KSR2: variants seen among roughly 807,000 people sequenced by gnomAD.
KSR2 encodes the protein kinase suppressor of ras 2.
Under a neutral mutation model 107.8 loss-of-function variants are expected in KSR2, and 25 were observed. That is an observed-to-expected ratio of 0.23 (90% CI 0.17 to 0.32). The LOEUF is 0.32. KSR2 is among the 10% of genes least tolerant of loss of function. KSR2 has a pLI of 1.00. For synonymous variants in KSR2, 480 were observed against 507.0 expected (o/e 0.95, Z 0.71); for missense variants, 887 against 1,268.9 (o/e 0.70, Z 4.57).
intron 1 of KSR2, among the ~76,000 whole-genome samples, chr12:117,920,879 C>T (rs1302054782): frequency 6.6e-6 from 1 of 152,130 alleles, no homozygotes; most frequent in Admixed American, 6.6e-5. Context: ...GGCCAACAGA[C>T]GGCTAACTCC....
chr12:117,558,381 AC>A, intron 8 of KSR2, 124 bp downstream of exon 8: 1 of 684,980 alleles, frequency 1.5e-6, no homozygotes, highest in South Asian at 1.7e-5. Flanking sequence ...AGAGAAAGAA[AC>A]AATGCTGGAA....
rs192113966 is a variant in KSR2, at chr12:117,518,518, C to T, written c.2219+6334G>A. On this transcript the variant is annotated intron_variant, in intron 14 of 19. Transcript: ENST00000339824. ...CCTTTGGCGCTGGGTTTCCTTGATG[C>T]CATCACTATTCTAACCCATATGCAT... Among the ~76,000 whole-genome samples the T allele has an allele frequency of 3.9e-3, 600 of 152,306 alleles. 9 individuals carry two copies. Among genetic ancestry groups the T allele is most frequent in the African/African-American group, 0.014 (566 of 41,550 alleles).
chr12:117,887,669 G>C (rs1053781214), intron 1 of KSR2, among the ~76,000 whole-genome samples: 17 of 152,194 alleles, frequency 1.1e-4, no homozygotes, highest in African/African-American at 4.1e-4. Context: ...GTGGCTGCCA[G>C]GGTTGCTTCA....
intron 1 of KSR2, among the ~76,000 whole-genome samples, chr12:117,862,503 A>AAAAAT (rs1156634320): frequency 3.3e-5 from 5 of 151,918 alleles, no homozygotes; most frequent in Non-Finnish European, 7.4e-5. Flanking sequence ...CTGTCTCTAC[A>AAAAAT]AAAATAAAAT....
intron 5 of KSR2, among the ~76,000 whole-genome samples, chr12:117,609,610 C>T (rs946012409): frequency 5.3e-5 from 8 of 152,212 alleles, no homozygotes; most frequent in Non-Finnish European, 7.3e-5. Flanking sequence ...AACACAGTTG[C>T]ACCTGCTCAC....
At chr12:117,468,842 G>A (rs1476273246) in intron 19 of KSR2, among the ~76,000 whole-genome samples, 1 of 152,212 alleles carries the variant, frequency 6.6e-6, no homozygotes, top group African/African-American at 2.4e-5. Flanking sequence ...TGTGAGTATA[G>A]ATCTGAGTGC....
Position 117,615,956 on chromosome 12 carries a change from C to T in KSR2, c.1172-33597G>A, listed in dbSNP as rs371694358. ...TCACTTGAGCCCAGAAGTTCGAGAC[C>T]ACCCTGGGCAATATGGTGAAACCCC... is the stretch of plus-strand genomic sequence containing the variant. On this transcript the variant is annotated intron_variant, in intron 5 of 19. Coordinates refer to ENST00000339824, the MANE Select transcript of KSR2 (RefSeq NM_173598.6). 2.6e-5 allele frequency among the ~76,000 whole-genome samples: 4 copies of T among 152,094 alleles called. 1 individual carries two copies. Among genetic ancestry groups the T allele is most frequent in the African/African-American group, 9.6e-5 (4 of 41,504 alleles).
In KSR2 at chr12:117,842,263, T is replaced by C. The variant is rs1339702343; in HGVS notation, c.472+13165A>G. On this transcript the variant is annotated intron_variant, in intron 3 of 19. Transcript: ENST00000339824. The surrounding 1 kb of genome is among the most constrained non-coding windows in gnomAD (Gnocchi z 4.2). ...CTAGAGACTATGATAGGATAGAGAGTGGCCAGGATGGAAGTGGGACTCTGA... is the reference window on the plus strand; with the variant it reads ...CTAGAGACTATGATAGGATAGAGAGCGGCCAGGATGGAAGTGGGACTCTGA... Among the ~76,000 whole-genome samples, 1 of 151,936 alleles carries C rather than the reference T, an allele frequency of 6.6e-6. No individual in the cohort carries two copies. The highest frequency in any genetic ancestry group is 1.5e-5 in the Non-Finnish European group (1 of 67,982).
rs1284963743 is a variant in KSR2 at position 117,822,528 on chromosome 12, T to C, written c.472+32900A>G. 3.9e-5 allele frequency among the ~76,000 whole-genome samples: 6 copies of C among 152,212 alleles called. No homozygotes were observed. In the East Asian group the frequency reaches 7.7e-4, roughly 20 times the overall value. ...AATACAGCCAACCTACCACACATCA[T>C]AGCTCAACCTAGCCTACCTTAAATG... On this transcript the variant is annotated intron_variant, in intron 3 of 19. Coordinates refer to ENST00000339824, the MANE Select transcript of KSR2 (RefSeq NM_173598.6).
At chr12:117,487,838 C>T (rs1093307) in intron 14 of KSR2, among the ~76,000 whole-genome samples, 23,413 of 152,134 alleles carry the variant, frequency 0.15, 2,051 homozygotes, top group East Asian at 0.23. Context: ...CTCTCACTCC[C>T]GTATGACCTC....
intron 1 of KSR2, among the ~76,000 whole-genome samples, chr12:117,904,731 G>A (rs1894788425): frequency 6.6e-6 from 1 of 152,124 alleles, no homozygotes; most frequent in Non-Finnish European, 1.5e-5. Flanking sequence ...TGACCACAGA[G>A]CTGATAAGTG....
rs140774058 is a variant in KSR2 at position 117,495,817 on chromosome 12, G to T, written c.2220-10126C>A. 8.2e-3 allele frequency among the ~76,000 whole-genome samples: 1,251 copies of T among 152,300 alleles called. 17 individuals carry two copies. Among genetic ancestry groups the T allele is most frequent in the African/African-American group, 0.028 (1,174 of 41,552 alleles). On this transcript the variant is annotated intron_variant, in intron 14 of 19. Coordinates refer to ENST00000339824, the MANE Select transcript of KSR2 (RefSeq NM_173598.6). ...CACCTGTAATCCCAGAACTTTGGGA[G>T]GCCAAGGTGGGCGGGGTCACAAGGT...
intron 5 of KSR2, among the ~76,000 whole-genome samples, chr12:117,588,599 T>C (rs1011967503): frequency 6.6e-6 from 1 of 152,202 alleles, no homozygotes. Context: ...GTTTTTCCGA[T>C]TAATGAGAAA....
intron 5 of KSR2, among the ~76,000 whole-genome samples, chr12:117,586,843 A>C (rs78489686): frequency 0.069 from 10,541 of 152,218 alleles, 449 homozygotes; most frequent in Middle Eastern, 0.13. Context: ...CCGACTGCCC[A>C]AGGTAAATGC....
chr12:117,797,207 C>T (rs1234177045), intron 3 of KSR2, among the ~76,000 whole-genome samples: 1 of 152,134 alleles, frequency 6.6e-6, no homozygotes, highest in African/African-American at 2.4e-5. Flanking sequence ...GCCCTATTCA[C>T]AATAGCCAAA....
chr12:117,471,167 GTCTGGACCTA>G lies in KSR2; in HGVS notation c.2712+14_2712+23del. On this transcript the variant is annotated intron_variant, in intron 18 of 19. Coordinates refer to ENST00000339824, the MANE Select transcript of KSR2 (RefSeq NM_173598.6). ...GTCTGTGTCTCCCCTCATCCCCCAA[GTCTGGACCTA>G]TCTTGGGACTTACCGAGATTTCTTT... is the stretch of plus-strand genomic sequence containing the variant. The G allele has an allele frequency of 6.2e-7, 1 of 1,612,686 alleles. No homozygotes were observed. Among genetic ancestry groups the G allele is most frequent in the Non-Finnish European group, 8.5e-7 (1 of 1,179,150 alleles).
chr12:117,966,460 G>A (rs1896788716), intron 1 of KSR2, among the ~76,000 whole-genome samples: 2 of 152,004 alleles, frequency 1.3e-5, no homozygotes, highest in African/African-American at 4.8e-5. Context: ...TCCAGGAAAG[G>A]CAATACCTGT....
intron 4 of KSR2, among the ~76,000 whole-genome samples, chr12:117,704,916 G>A (rs1482267782): frequency 1.3e-5 from 2 of 151,870 alleles, no homozygotes; most frequent in East Asian, 3.9e-4. Flanking sequence ...ATTTTAATTA[G>A]GAGCTATTGA....
chr12:117,916,627 C>T (rs1895183324), intron 1 of KSR2, among the ~76,000 whole-genome samples: 1 of 152,130 alleles, frequency 6.6e-6, no homozygotes, highest in Non-Finnish European at 1.5e-5. Context: ...AACCAAGGCA[C>T]ATTTAATACT....
Sources: allele counts gnomAD v4.1 joint callset (sites outside exome capture counted in the v4.1 genomes callset), GRCh38; gene constraint gnomAD v4.1.1; non-coding constraint Gnocchi (gnomAD v3.1); transcripts MANE v1.5; gene names NCBI Gene and HGNC (gene_info 2026-07-23, HGNC 2026-07-21).